Variants in DPF3 observed in about 807,000 individuals in gnomAD.
The protein encoded by DPF3 is zinc finger protein DPF3.
In DPF3, 18 loss-of-function variants were observed where a neutral mutation model predicts 56.8. The observed-to-expected ratio is 0.32, with a 90% confidence interval of 0.22 to 0.47. DPF3 has a LOEUF of 0.47. DPF3 is among the 20% of genes least tolerant of loss of function. The pLI, the probability that DPF3 is intolerant of heterozygous loss-of-function variation, is 1.00. For missense variants in DPF3, 403 were observed against 488.8 expected (o/e 0.82, Z 1.65); for synonymous variants, 188 against 180.2 (o/e 1.04, Z -0.35).
chr14:72,877,644 C>T (rs1309540018), intron 1 of DPF3, among the ~76,000 whole-genome samples: 1 of 152,184 alleles, frequency 6.6e-6, no homozygotes, highest in Non-Finnish European at 1.5e-5. Flanking sequence ...CAGGCAGCCT[C>T]CATCTCTCCT....
chr14:72,672,791 C>T (rs1177506094), intron 8 of DPF3, among the ~76,000 whole-genome samples: 1 of 152,204 alleles, frequency 6.6e-6, no homozygotes, highest in African/African-American at 2.4e-5. Flanking sequence ...TCTAACCCAT[C>T]CAAACCTACA....
chr14:72,721,752 A>C (rs562092879), intron 5 of DPF3, among the ~76,000 whole-genome samples: 1 of 152,334 alleles, frequency 6.6e-6, no homozygotes, highest in South Asian at 2.1e-4. Flanking sequence ...ACACAAACAC[A>C]CACACACACA....
intron 5 of DPF3, among the ~76,000 whole-genome samples, chr14:72,719,068 C>A (rs1458167134): frequency 2.0e-5 from 2 of 99,092 alleles, no homozygotes; most frequent in African/African-American, 6.8e-5. Context: ...CCGTGCCAGG[C>A]CTTTTTTTTT....
intron 4 of DPF3, among the ~76,000 whole-genome samples, chr14:72,729,872 A>G (rs753804246): frequency 2.6e-5 from 4 of 152,042 alleles, no homozygotes; most frequent in Admixed American, 6.5e-5. Context: ...ATTTGTTCAA[A>G]CCCATTGAAT....
At chr14:72,623,601 G>A (rs2153566275) in intron 9 of DPF3, among the ~76,000 whole-genome samples, 1 of 152,302 alleles carries the variant, frequency 6.6e-6, no homozygotes, top group Non-Finnish European at 1.5e-5. Context: ...TTATTGAAGA[G>A]CAAGATTTTG....
In DPF3 at chr14:72,684,027, C is replaced by T. The variant is rs566301536; in HGVS notation, c.742+9049G>A. On this transcript the variant is annotated intron_variant, in intron 7 of 10. Transcript: ENST00000556509. ...AGTGTTGAGAGCATGAGAGTGACAT[C>T]ATCTGCTTTATATTTTACATATATA... Among the ~76,000 whole-genome samples, 3 of 152,228 alleles carry T rather than the reference C, an allele frequency of 2.0e-5. No homozygotes were observed. In the East Asian group the frequency reaches 5.8e-4, roughly 29 times the overall value.
At chr14:72,799,113 T>C (rs1345229648) in intron 1 of DPF3, among the ~76,000 whole-genome samples, 1 of 152,176 alleles carries the variant, frequency 6.6e-6, no homozygotes, top group Non-Finnish European at 1.5e-5. Context: ...TGGGGCTGAA[T>C]GGATGGGCAA....
At chr14:72,800,638 A>C (rs1395502789) in intron 1 of DPF3, among the ~76,000 whole-genome samples, 1 of 151,932 alleles carries the variant, frequency 6.6e-6, no homozygotes, top group African/African-American at 2.4e-5. Flanking sequence ...GCATGGATGC[A>C]CAGATGGATG....
intron 1 of DPF3, among the ~76,000 whole-genome samples, chr14:72,806,323 G>A (rs1168385753): frequency 6.6e-6 from 1 of 152,098 alleles, no homozygotes; most frequent in African/African-American, 2.4e-5. Context: ...TATTAGCCAT[G>A]CGCTCCTTGA....
At chr14:72,795,682 G>A (rs1042994150) in intron 1 of DPF3, among the ~76,000 whole-genome samples, 1 of 152,110 alleles carries the variant, frequency 6.6e-6, no homozygotes. Context: ...GGAATCAGAG[G>A]GGCTGTTTGG....
At chr14:72,766,533 C>A (rs1281138436) in intron 2 of DPF3, among the ~76,000 whole-genome samples, 1 of 152,238 alleles carries the variant, frequency 6.6e-6, no homozygotes, top group African/African-American at 2.4e-5. Flanking sequence ...CTCACTGCAG[C>A]CTCAAACTCC....
intron 6 of DPF3, among the ~76,000 whole-genome samples, chr14:72,709,045 C>G (rs909803851): frequency 1.2e-4 from 18 of 152,346 alleles, no homozygotes; most frequent in Admixed American, 9.8e-4. Flanking sequence ...TGATACCCTT[C>G]TCTCTGAAGT....
rs372100347 is a variant in DPF3 at position 72,863,581 on chromosome 14, G to A, written c.32+30476C>T. On this transcript the variant is annotated intron_variant, in intron 1 of 10. Coordinates refer to ENST00000556509, the MANE Select transcript of DPF3 (RefSeq NM_001280542.3). ...AAAAAAAAAAAAAAAAAAAGCAACC[G>A]ATGTGTAGAAAAGGGCACGTGTGTC... 1.3e-4 allele frequency among the ~76,000 whole-genome samples: 19 copies of A among 145,802 alleles called. No homozygotes were observed. The East Asian group carries it at 2.6e-3, about 20-fold the overall frequency.
chr14:72,867,929 C>T (rs1331853106), intron 1 of DPF3, among the ~76,000 whole-genome samples: 6 of 151,796 alleles, frequency 4.0e-5, no homozygotes, highest in South Asian at 2.1e-4. Context: ...TTTCTGGAGA[C>T]GGCATTTCAC....
At chr14:72,783,869 C>T (rs556272183) in intron 1 of DPF3, among the ~76,000 whole-genome samples, 2 of 152,246 alleles carry the variant, frequency 1.3e-5, no homozygotes, top group Admixed American at 1.3e-4. Flanking sequence ...GAGCCCTGGG[C>T]CCACGGGTGG....
Position 72,610,044 on chromosome 14 carries a change from G to A in DPF3, c.*9253C>T, listed in dbSNP as rs554147469. On this transcript the variant is annotated 3_prime_UTR_variant, in exon 11 of 11. Coordinates refer to ENST00000556509, the MANE Select transcript of DPF3 (RefSeq NM_001280542.3). ...CTCTCTTGGTCATTCCTTTATGACTGAGAGTCTCAGAAGGAGTTGTGAGTG... is the reference window on the plus strand; with the variant it reads ...CTCTCTTGGTCATTCCTTTATGACTAAGAGTCTCAGAAGGAGTTGTGAGTG... Among the ~76,000 whole-genome samples, 1 of 152,350 alleles carries A rather than the reference G, an allele frequency of 6.6e-6. No individual in the cohort carries two copies. The highest frequency in any genetic ancestry group is 1.9e-4 in the East Asian group (1 of 5,186).
intron 2 of DPF3, among the ~76,000 whole-genome samples, chr14:72,758,225 G>C (rs1213724251): frequency 6.6e-6 from 1 of 152,064 alleles, no homozygotes; most frequent in Admixed American, 6.5e-5. Context: ...AAAACCAAAA[G>C]AGAGGAAGAA....
chr14:72,721,677 G>A (rs961064193), intron 5 of DPF3, among the ~76,000 whole-genome samples: 5 of 152,034 alleles, frequency 3.3e-5, no homozygotes, highest in Admixed American at 1.3e-4. Context: ...GATGTGATAC[G>A]AGAAGAACCT....
chr14:72,649,808 C>T (rs1010165410), intron 8 of DPF3, among the ~76,000 whole-genome samples: 3 of 152,330 alleles, frequency 2.0e-5, no homozygotes, highest in African/African-American at 7.2e-5. Context: ...GACAAAGAAG[C>T]TGAAGCTCAG....
Sources: allele counts gnomAD v4.1 joint callset (sites outside exome capture counted in the v4.1 genomes callset), GRCh38; gene constraint gnomAD v4.1.1; transcripts MANE v1.5; gene names NCBI Gene and HGNC (gene_info 2026-07-23, HGNC 2026-07-21).